Variants in CPQ observed in about 807,000 individuals in gnomAD.
CPQ encodes the protein Ser-Met dipeptidase.
CPQ carries 37 observed loss-of-function variants against 45.7 expected under a neutral mutation model. The observed-to-expected ratio is 0.81, with a 90% CI of 0.62 to 1.07. CPQ has a LOEUF of 1.07. Ranked by LOEUF, CPQ falls within the 50% of genes least tolerant of loss-of-function variation. CPQ has a pLI of 0.00. For synonymous variants in CPQ, 186 were observed against 205.8 expected (o/e 0.90, Z 0.82); for missense variants, 537 against 572.9 (o/e 0.94, Z 0.64).
At chr8:96,779,791 C>A (rs1462208188) in intron 1 of CPQ, among the ~76,000 whole-genome samples, 2 of 152,054 alleles carry the variant, frequency 1.3e-5, no homozygotes, top group Non-Finnish European at 2.9e-5. Context: ...AATGTACTTT[C>A]AAGAATAAAT....
intron 4 of CPQ, among the ~76,000 whole-genome samples, chr8:96,942,855 T>C (rs1813141859): frequency 6.6e-6 from 1 of 152,166 alleles, no homozygotes; most frequent in Non-Finnish European, 1.5e-5. Context: ...AAAATTCAGT[T>C]TAGTGCCTCT....
intron 4 of CPQ, among the ~76,000 whole-genome samples, chr8:96,903,947 T>C (rs1671515496): frequency 1.3e-5 from 2 of 152,150 alleles, no homozygotes; most frequent in South Asian, 2.1e-4. Flanking sequence ...TAGGAGGAAA[T>C]ACTCTTTCCT....
chr8:96,649,003 G>T (rs1447675237), intron 1 of CPQ, among the ~76,000 whole-genome samples: 1 of 152,158 alleles, frequency 6.6e-6, no homozygotes, highest in Non-Finnish European at 1.5e-5. Flanking sequence ...TTGTTTTGAG[G>T]CAAGGCCTCT....
chr8:96,792,813 T>C (rs1490436790), intron 2 of CPQ, among the ~76,000 whole-genome samples: 7 of 152,184 alleles, frequency 4.6e-5, no homozygotes, highest in Admixed American at 3.9e-4. Flanking sequence ...TGCTATGAAG[T>C]AATACTAAGA....
intron 1 of CPQ, among the ~76,000 whole-genome samples, chr8:96,720,433 A>G (rs1411835024): frequency 6.6e-6 from 1 of 152,216 alleles, no homozygotes; most frequent in Non-Finnish European, 1.5e-5. Context: ...TTTAGAAGGC[A>G]GTAGAATTAT....
At chr8:96,744,986 A>G (rs905308853) in intron 1 of CPQ, among the ~76,000 whole-genome samples, 1 of 152,192 alleles carries the variant, frequency 6.6e-6, no homozygotes, top group African/African-American at 2.4e-5. Context: ...CCCCAATAGC[A>G]TAGTGACTTA....
chr8:96,837,500 T>C lies in CPQ; in HGVS notation c.641+2320T>C, dbSNP rs145146178. Reference sequence around the variant, plus strand: ...CATGACTTCTTTCTCATGTTTTCTCTCTCTTTCTTGCTTGCTGTCACTCTC... The same window carrying C: ...CATGACTTCTTTCTCATGTTTTCTCCCTCTTTCTTGCTTGCTGTCACTCTC... On this transcript the variant is annotated intron_variant, in intron 3 of 7. Transcript: ENST00000220763. Among the ~76,000 whole-genome samples, 546 of 152,280 alleles carry C rather than the reference T, an allele frequency of 3.6e-3. 3 individuals carry two copies. Among genetic ancestry groups the C allele is most frequent in the African/African-American group, 0.012 (515 of 41,558 alleles).
chr8:96,914,580 C>A (rs1254375172), intron 4 of CPQ, among the ~76,000 whole-genome samples: 1 of 152,114 alleles, frequency 6.6e-6, no homozygotes, highest in Non-Finnish European at 1.5e-5. Context: ...CTTTGGCATT[C>A]TTTTTTCCAT....
chr8:96,910,986 G>A (rs567946333), intron 4 of CPQ, among the ~76,000 whole-genome samples: 21 of 151,866 alleles, frequency 1.4e-4, no homozygotes, highest in Admixed American at 3.9e-4. Context: ...ACATGTAGGA[G>A]AGGACTGAAA....
At chr8:96,760,017 G>A (rs991626471) in intron 1 of CPQ, among the ~76,000 whole-genome samples, 3 of 152,200 alleles carry the variant, frequency 2.0e-5, no homozygotes, top group Non-Finnish European at 2.9e-5. Flanking sequence ...CTATACTGCA[G>A]TTGGAACCCA....
intron 4 of CPQ, among the ~76,000 whole-genome samples, chr8:96,944,689 A>C (rs1447841104): frequency 6.6e-6 from 1 of 152,166 alleles, no homozygotes; most frequent in Non-Finnish European, 1.5e-5. Flanking sequence ...TCCAGTGCAC[A>C]TGTGGATCTG....
intron 4 of CPQ, among the ~76,000 whole-genome samples, chr8:96,912,012 C>T (rs1812671089): frequency 1.3e-5 from 2 of 152,078 alleles, no homozygotes; most frequent in South Asian, 4.2e-4. Context: ...ATAACGGTGC[C>T]CACCCATTAG....
intron 5 of CPQ, among the ~76,000 whole-genome samples, chr8:96,973,014 A>G (rs11984654): frequency 0.14 from 20,758 of 152,044 alleles, 3,170 homozygotes; most frequent in African/African-American, 0.38. Flanking sequence ...GTTCACCAGC[A>G]ATGGATCCAA....
chr8:96,738,731 A>G (rs941027404), intron 1 of CPQ, among the ~76,000 whole-genome samples: 37 of 152,112 alleles, frequency 2.4e-4, no homozygotes, highest in African/African-American at 8.7e-4. Flanking sequence ...TGTTCTTGTG[A>G]TAGTTTACTG....
At chr8:96,772,654 GGAA>G (rs1310722459) in intron 1 of CPQ, among the ~76,000 whole-genome samples, 1 of 151,986 alleles carries the variant, frequency 6.6e-6, no homozygotes, top group Admixed American at 6.6e-5. Flanking sequence ...CAGAGTGAGA[GGAA>G]GAAGAGTGTT....
intron 7 of CPQ, among the ~76,000 whole-genome samples, chr8:97,116,081 A>G (rs1191931840): frequency 1.3e-5 from 2 of 152,210 alleles, no homozygotes; most frequent in African/African-American, 4.8e-5. Context: ...GAAAAGAGAC[A>G]GAAAAAGAAA....
intron 2 of CPQ, among the ~76,000 whole-genome samples, chr8:96,797,032 AGAAT>A (rs140367670): frequency 0.012 from 1,809 of 152,314 alleles, 42 homozygotes; most frequent in African/African-American, 0.041. Flanking sequence ...AATGAATTTG[AGAAT>A]AATTCTGTAG....
chr8:97,109,818 C>T (rs944711810), intron 7 of CPQ, among the ~76,000 whole-genome samples: 1 of 152,084 alleles, frequency 6.6e-6, no homozygotes, highest in Non-Finnish European at 1.5e-5. Context: ...CCACATGACT[C>T]GTCCTCAGGC....
chr8:96,838,286 G>A (rs908631804), intron 3 of CPQ, among the ~76,000 whole-genome samples: 4 of 152,146 alleles, frequency 2.6e-5, no homozygotes, highest in African/African-American at 9.7e-5. Flanking sequence ...TCTTTTGCAT[G>A]TTCACATAAT....
Sources: gnomAD v4.1 joint callset for allele counts (sites outside exome capture counted in the v4.1 genomes callset) on GRCh38, gnomAD v4.1.1 for gene constraint, MANE v1.5 for transcripts, NCBI Gene and HGNC (gene_info 2026-07-23, HGNC 2026-07-21) for gene names.